Variants in HTR7 observed in about 807,000 individuals in gnomAD.
The protein encoded by HTR7 is 5-HT-7.
Under a neutral mutation model 34.0 loss-of-function variants are expected in HTR7, and 16 were observed. The observed-to-expected ratio is 0.47, with a 90% CI of 0.32 to 0.71. HTR7 has a LOEUF of 0.71. Ranked by LOEUF, HTR7 falls within the 30% of genes least tolerant of loss-of-function variation. The pLI, the probability that HTR7 is intolerant of heterozygous loss-of-function variation, is 0.04. For missense variants in HTR7, 504 were observed against 625.5 expected, an observed-to-expected ratio of 0.81 and a Z score of 2.07; for synonymous variants, 265 against 260.2, an observed-to-expected ratio of 1.02 and a Z score of -0.18.
At chr10:90,812,029 G>A (rs1249968669) in intron 1 of HTR7, among the ~76,000 whole-genome samples, 1 of 152,144 alleles carries the variant, frequency 6.6e-6, no homozygotes, top group Non-Finnish European at 1.5e-5. Context: ...CAGACTAAAG[G>A]TCTTTTAAAA....
chr10:90,818,850 C>T (rs996917294), intron 1 of HTR7, among the ~76,000 whole-genome samples: 6 of 152,180 alleles, frequency 3.9e-5, no homozygotes, highest in Non-Finnish European at 7.3e-5. Flanking sequence ...CAGACTTCCT[C>T]CCTTGCTGTT....
At chr10:90,848,069 C>CTTTTTTTTTTTTTTTTT (rs61675028) in intron 1 of HTR7, among the ~76,000 whole-genome samples, 3 of 112,094 alleles carry the variant, frequency 2.7e-5, no homozygotes, top group East Asian at 2.7e-4. Context: ...TCTCTTTGTT[C>CTTTTTTTTTTTTTTTTT]TTTTTTTTTT....
intron 1 of HTR7, among the ~76,000 whole-genome samples, chr10:90,792,726 T>C (rs1187556814): frequency 1.3e-5 from 2 of 152,080 alleles, no homozygotes; most frequent in African/African-American, 4.8e-5. Context: ...ACATCTAAAA[T>C]GGAAAGGCTT....
At chr10:90,790,964 T>A (rs1330536698) in intron 1 of HTR7, among the ~76,000 whole-genome samples, 3 of 152,140 alleles carry the variant, frequency 2.0e-5, no homozygotes, top group Non-Finnish European at 2.9e-5. Flanking sequence ...TCATTGCTCT[T>A]TTGAATGGCA....
intron 1 of HTR7, among the ~76,000 whole-genome samples, chr10:90,856,010 A>G (rs1453476972): frequency 1.3e-5 from 2 of 152,192 alleles, no homozygotes; most frequent in East Asian, 1.9e-4. Flanking sequence ...TCAAGAAGAA[A>G]AAAAGGAAAA....
chr10:90,800,998 G>C (rs1479914628), intron 1 of HTR7, among the ~76,000 whole-genome samples: 3 of 152,156 alleles, frequency 2.0e-5, no homozygotes, highest in African/African-American at 7.2e-5. Flanking sequence ...GATTCTCTCT[G>C]ACAGATTGTG....
chr10:90,752,546 C>T (rs954029666), intron 1 of HTR7, among the ~76,000 whole-genome samples: 1 of 151,746 alleles, frequency 6.6e-6, no homozygotes, highest in Non-Finnish European at 1.5e-5. Flanking sequence ...GATTTTAAAG[C>T]TCACCAAGTC....
chr10:90,778,412 C>G lies in HTR7; in HGVS notation c.540-28818G>C, dbSNP rs535274495. On this transcript the variant is annotated intron_variant, in intron 1 of 3. Transcript: ENST00000336152. ...ACTTGAGCTAGCATGCTCAGCCCCTCACCGAGTGATGCTCTGCACCACCTG... is the reference window on the plus strand; with the variant it reads ...ACTTGAGCTAGCATGCTCAGCCCCTGACCGAGTGATGCTCTGCACCACCTG... 3.3e-5 allele frequency among the ~76,000 whole-genome samples: 5 copies of G among 152,264 alleles called. No individual in the cohort carries two copies. In the South Asian group the frequency reaches 1.0e-3, roughly 32 times the overall value.
chr10:90,761,637 T>A (rs1243613763), intron 1 of HTR7, among the ~76,000 whole-genome samples: 12 of 138,944 alleles, frequency 8.6e-5, no homozygotes, highest in African/African-American at 3.6e-4. Flanking sequence ...TGTATGCGTG[T>A]GTGTGTGTGT....
chr10:90,807,689 T>C (rs1183430948), intron 1 of HTR7, among the ~76,000 whole-genome samples: 4 of 152,226 alleles, frequency 2.6e-5, no homozygotes, highest in Non-Finnish European at 5.9e-5. Flanking sequence ...AAAAGCTGTA[T>C]TGCTCACACA....
chr10:90,821,268 G>A (rs1312441278), intron 1 of HTR7, among the ~76,000 whole-genome samples: 4 of 152,118 alleles, frequency 2.6e-5, no homozygotes, highest in African/African-American at 9.7e-5. Flanking sequence ...AATTGCTGAT[G>A]CCATCCCTTC....
rs1232118008 is a variant in HTR7 at position 90,742,451 on chromosome 10, C to T, written c.*31G>A. On this transcript the variant is annotated 3_prime_UTR_variant, in exon 4 of 4. Transcript: ENST00000336152. ...TCCTTCTGTTTCCACCTCTATTTTG[C>T]CTTGTTTATTTCATCTCCATTGTTC... The T allele has an allele frequency of 3.8e-6, 6 of 1,566,748 alleles. No homozygotes were observed. The highest frequency in any genetic ancestry group is 5.2e-6 in the Non-Finnish European group (6 of 1,146,120).
chr10:90,823,093 T>TA (rs1444233908), intron 1 of HTR7, among the ~76,000 whole-genome samples: 3 of 152,170 alleles, frequency 2.0e-5, no homozygotes, highest in South Asian at 4.1e-4. Context: ...AATGTGGAGT[T>TA]AGAGTACCTA....
chr10:90,771,942 A>C (rs1325967872), intron 1 of HTR7, among the ~76,000 whole-genome samples: 1 of 152,240 alleles, frequency 6.6e-6, no homozygotes, highest in Non-Finnish European at 1.5e-5. Context: ...GGGAAAAAAA[A>C]GTAAAAGATA....
At chr10:90,801,879 CTT>C (rs1422824333) in intron 1 of HTR7, among the ~76,000 whole-genome samples, 1 of 152,172 alleles carries the variant, frequency 6.6e-6, no homozygotes, top group African/African-American at 2.4e-5. Flanking sequence ...TGTGACTAGT[CTT>C]GGGGTGTAGT....
chr10:90,789,855 T>G (rs78676645), intron 1 of HTR7, among the ~76,000 whole-genome samples: 2,476 of 152,268 alleles, frequency 0.016, 83 homozygotes, highest in African/African-American at 0.055. Context: ...AATCTCTTTA[T>G]GCCTCAGTTT....
intron 1 of HTR7, among the ~76,000 whole-genome samples, chr10:90,769,888 C>T (rs2119749339): frequency 6.6e-6 from 1 of 152,328 alleles, no homozygotes; most frequent in East Asian, 1.9e-4. Context: ...TTACAGGCAA[C>T]AAAATTGACA....
intron 1 of HTR7, among the ~76,000 whole-genome samples, chr10:90,793,494 AAATTT>A (rs1845490863): frequency 2.0e-5 from 3 of 148,468 alleles, no homozygotes; most frequent in South Asian, 4.2e-4. Context: ...TAGTGAAAAT[AAATTT>A]AATATTATTT....
Position 90,749,064 on chromosome 10 carries a change from G to A in HTR7, c.1070C>T (p.Ser357Phe). The A allele has an allele frequency of 6.2e-7, 1 of 1,614,064 alleles. No homozygotes were observed. The highest frequency in any genetic ancestry group is 2.2e-5 in the East Asian group (1 of 44,888). The part of the protein sequence containing the change: ...STARPFICGT[S>F]CSCIPLWVER... ...CACCCACAGTGGGATGCAGCTGCAG[G>A]AAGTGCCACAGATGAAGGGTCTGGC... is the stretch of plus-strand genomic sequence containing the variant. The change falls in exon 2 of 4, where the codon TCC (serine) becomes TTC (phenylalanine). Residue 357 changes from serine to phenylalanine, a missense_variant. By Grantham distance (155) the Ser-to-Phe change is radical. This residue lies in a region of HTR7 where 154 missense variants were observed against 212.1 expected (regional missense o/e 0.73). Transcript: ENST00000336152. The surrounding 1 kb of genome is among the most constrained non-coding windows in gnomAD (Gnocchi z 4.2).
Sources: gnomAD v4.1 joint callset for allele counts (sites outside exome capture counted in the v4.1 genomes callset) on GRCh38, gnomAD v4.1.1 for gene constraint, gnomAD v4.1.1 regional missense constraint, Gnocchi (gnomAD v3.1) non-coding constraint, MANE v1.5 for transcripts, NCBI Gene and HGNC (gene_info 2026-07-23, HGNC 2026-07-21) for gene names.